DMD: variants seen among roughly 807,000 people sequenced by gnomAD.
DMD encodes mutant dystrophin.
DMD carries 63 observed loss-of-function variants against 330.1 expected under a neutral mutation model. The ratio of observed to expected loss-of-function variants is 0.19; its 90% CI spans 0.16 to 0.24. The LOEUF (loss-of-function observed/expected upper bound fraction) is 0.24, where lower values mean the gene tolerates loss of function less well. Among genes scored for constraint, DMD ranks in the 10% least tolerant of loss-of-function variants. The probability of loss-of-function intolerance (pLI) is 1.00; values close to 1 mark genes in which losing one functional copy is unlikely to be tolerated. For missense variants in DMD, 3,344 were observed against 2,684.1 expected, an observed-to-expected ratio of 1.25 and a Z score of -5.43; for synonymous variants, 1,223 against 959.8, an observed-to-expected ratio of 1.27 and a Z score of -5.07.
chrX:31,211,749 T>C (rs1730870715), intron 64 of DMD, among the ~76,000 whole-genome samples: 1 of 112,212 alleles, frequency 8.9e-6, no homozygotes, highest in African/African-American at 3.2e-5. Context: ...GAGCAGAAGA[T>C]GACACAGTTA....
chrX:33,224,061 A>G (rs1417324097), intron 1 of DMD, among the ~76,000 whole-genome samples: 1 of 112,417 alleles, frequency 8.9e-6, no homozygotes, highest in African/African-American at 3.2e-5. Context: ...AGAATGGTCA[A>G]CACTCAGAAC....
intron 12 of DMD, among the ~76,000 whole-genome samples, chrX:32,606,389 TA>T (rs1190876440): frequency 9.2e-6 from 1 of 109,133 alleles, no homozygotes; most frequent in Non-Finnish European, 1.9e-5. Context: ...TACCTGTCAT[TA>T]AAAAAGTCAA....
At chrX:32,405,498 C>T (rs780960103) in intron 30 of DMD, among the ~76,000 whole-genome samples, 43 of 111,135 alleles carry the variant, frequency 3.9e-4, no homozygotes, top group African/African-American at 1.4e-3. Flanking sequence ...AAGAGTTTTC[C>T]CCATTTGCTT....
chrX:31,893,019 T>C (rs1414729450), intron 47 of DMD, among the ~76,000 whole-genome samples: 2 of 112,219 alleles, frequency 1.8e-5, no homozygotes, highest in Non-Finnish European at 3.8e-5. Flanking sequence ...AATAATGCAA[T>C]AGCAGCTTTT....
intron 55 of DMD, among the ~76,000 whole-genome samples, chrX:31,579,417 G>A (rs975864190): frequency 2.7e-5 from 3 of 112,232 alleles, no homozygotes; most frequent in African/African-American, 9.7e-5. Context: ...TCTACCCATT[G>A]GCCAAATGCT....
intron 1 of DMD, among the ~76,000 whole-genome samples, chrX:33,037,113 G>A (rs950207867): frequency 1.8e-5 from 2 of 111,706 alleles, no homozygotes; most frequent in East Asian, 2.8e-4. Flanking sequence ...TAGAATAAAC[G>A]TATCCTTTGG....
intron 29 of DMD, among the ~76,000 whole-genome samples, chrX:32,435,919 T>A (rs1202574713): frequency 8.9e-6 from 1 of 111,890 alleles, no homozygotes; most frequent in Non-Finnish European, 1.9e-5. Flanking sequence ...TCAAGTTTAG[T>A]AGCATCCACT....
At chrX:33,289,377 T>C (rs956172314) in intron 1 of DMD, among the ~76,000 whole-genome samples, 1 of 111,627 alleles carries the variant, frequency 9.0e-6, no homozygotes, top group Non-Finnish European at 1.9e-5. Context: ...ACAAAATATT[T>C]TTGGAGGTGT....
At chrX:31,183,073 C>A in intron 67 of DMD, 169 bp from the exon 68 acceptor site, 1 of 454,637 alleles carries the variant, frequency 2.2e-6, no homozygotes, top group Non-Finnish European at 3.7e-6. Context: ...TGCAAATGCT[C>A]CCTGATATCC....
intron 55 of DMD, among the ~76,000 whole-genome samples, chrX:31,593,629 TA>T (rs1303638267): frequency 2.7e-5 from 3 of 111,077 alleles, no homozygotes; most frequent in African/African-American, 9.8e-5. Flanking sequence ...TGCCTCGTCA[TA>T]AAAGTAGCTT....
At chrX:32,138,456 C>G (rs941344977) in intron 44 of DMD, among the ~76,000 whole-genome samples, 1 of 111,893 alleles carries the variant, frequency 8.9e-6, no homozygotes, top group Non-Finnish European at 1.9e-5. Context: ...GTTTCTAACT[C>G]AGCTAGCACA....
At chrX:32,141,435 CAAAACAAAAACA>C (rs201726305) in intron 44 of DMD, among the ~76,000 whole-genome samples, 86 of 96,141 alleles carry the variant, frequency 8.9e-4, no homozygotes, top group East Asian at 2.0e-3. Context: ...GACTCCGTCT[CAAAACAAAAACA>C]AAAACAAAAA....
chrX:32,319,959 G>C (rs1603630658), intron 41 of DMD, among the ~76,000 whole-genome samples: 1 of 110,244 alleles, frequency 9.1e-6, no homozygotes, highest in East Asian at 2.8e-4. Context: ...GGGAATACTT[G>C]CTATAGCAAT....
At chrX:31,544,266 G>A (rs1480668918) in intron 55 of DMD, among the ~76,000 whole-genome samples, 1 of 106,773 alleles carries the variant, frequency 9.4e-6, no homozygotes, top group Non-Finnish European at 1.9e-5. Flanking sequence ...GGAGGTTGTA[G>A]TGAGCCGAGA....
At chrX:32,560,981 G>A (rs980780372) in intron 16 of DMD, among the ~76,000 whole-genome samples, 3 of 111,407 alleles carry the variant, frequency 2.7e-5, no homozygotes, top group Non-Finnish European at 5.7e-5. Context: ...GGTATTTCTG[G>A]TTCTAGTTCT....
intron 63 of DMD, among the ~76,000 whole-genome samples, chrX:31,242,499 C>T (rs191961096): frequency 1.8e-5 from 2 of 110,553 alleles, no homozygotes; most frequent in Admixed American, 1.9e-4. Context: ...ACTGCTCTTC[C>T]TACCTATATA....
intron 1 of DMD, among the ~76,000 whole-genome samples, chrX:33,229,375 G>A (rs1898914488): frequency 9.0e-6 from 1 of 110,801 alleles, no homozygotes; most frequent in South Asian, 3.7e-4. Flanking sequence ...TAAGACTTAA[G>A]TTGAGGCTCT....
intron 1 of DMD, among the ~76,000 whole-genome samples, chrX:33,185,130 G>A (rs1323270981): frequency 9.0e-6 from 1 of 110,703 alleles, no homozygotes; most frequent in African/African-American, 3.3e-5. Flanking sequence ...ATAATCTATT[G>A]TATCTTCTTC....
chrX:31,457,683 G>A (rs1334764343), intron 59 of DMD, among the ~76,000 whole-genome samples: 1 of 111,796 alleles, frequency 8.9e-6, no homozygotes, highest in Admixed American at 9.5e-5. Context: ...ATTAATAGAG[G>A]AATCTAGAAT....
Sources: gnomAD v4.1 joint callset for allele counts (sites outside exome capture counted in the v4.1 genomes callset) on GRCh38, gnomAD v4.1.1 for gene constraint, MANE v1.5 for transcripts, NCBI Gene and HGNC (gene_info 2026-07-23, HGNC 2026-07-21) for gene names.